PTPN4: variants seen among roughly 807,000 people sequenced by gnomAD.
The protein encoded by PTPN4 is tyrosine-protein phosphatase non-receptor type 4.
PTPN4 carries 49 observed loss-of-function variants against 135.5 expected under a neutral mutation model. The ratio of observed to expected loss-of-function variants is 0.36; its 90% CI spans 0.29 to 0.46. The LOEUF (loss-of-function observed/expected upper bound fraction) is 0.46. Among genes scored for constraint, PTPN4 ranks in the 20% least tolerant of loss-of-function variants. The pLI is 1.00. For missense variants in PTPN4, 860 were observed against 1,101.0 expected (o/e 0.78, Z 3.10); for synonymous variants, 333 against 369.9 (o/e 0.90, Z 1.14).
At chr2:119,763,240 A>G (rs1690542410) in intron 1 of PTPN4, among the ~76,000 whole-genome samples, 1 of 152,190 alleles carries the variant, frequency 6.6e-6, no homozygotes, top group Non-Finnish European at 1.5e-5. Flanking sequence ...TTTGGAAGAG[A>G]GATGCAAGTA....
chr2:119,798,545 G>A (rs1044908687), intron 1 of PTPN4, among the ~76,000 whole-genome samples: 1 of 152,162 alleles, frequency 6.6e-6, no homozygotes, highest in African/African-American at 2.4e-5. Flanking sequence ...TTTAAAACAT[G>A]AAGATTTAGC....
chr2:119,913,359 T>C (rs1452695502), intron 10 of PTPN4, among the ~76,000 whole-genome samples: 1 of 152,224 alleles, frequency 6.6e-6, no homozygotes, highest in Non-Finnish European at 1.5e-5. Flanking sequence ...ATTTTTATTA[T>C]AACCATTCTA....
intron 9 of PTPN4, among the ~76,000 whole-genome samples, chr2:119,889,915 A>G (rs1678216393): frequency 6.6e-6 from 1 of 152,102 alleles, no homozygotes; most frequent in Admixed American, 6.5e-5. Context: ...TAATTTGTTG[A>G]GACTTGTTTT....
chr2:119,805,995 G>A (rs1487176301), intron 1 of PTPN4, among the ~76,000 whole-genome samples: 2 of 152,074 alleles, frequency 1.3e-5, no homozygotes, highest in African/African-American at 4.8e-5. Context: ...ATAAGTGAAG[G>A]AGAAATAAAA....
intron 2 of PTPN4, among the ~76,000 whole-genome samples, chr2:119,830,068 GCAGT>G (rs1487211320): frequency 6.6e-6 from 1 of 151,918 alleles, no homozygotes; most frequent in African/African-American, 2.4e-5. Flanking sequence ...TTTTGAGACT[GCAGT>G]CATTTACTGC....
intron 1 of PTPN4, among the ~76,000 whole-genome samples, chr2:119,796,491 T>C (rs1053964324): frequency 1.3e-5 from 2 of 152,194 alleles, no homozygotes; most frequent in African/African-American, 2.4e-5. Context: ...TTGTTTCTCA[T>C]TGTAATTATT....
chr2:119,946,459 AT>A (rs1365894020), intron 17 of PTPN4, 35 bp downstream of exon 17: 1 of 1,590,688 alleles, frequency 6.3e-7, no homozygotes, highest in South Asian at 1.1e-5. Context: ...CAGTTTTTAA[AT>A]TAAGATGTTC....
intron 2 of PTPN4, among the ~76,000 whole-genome samples, chr2:119,855,959 C>T (rs933173665): frequency 9.2e-5 from 14 of 152,174 alleles, no homozygotes; most frequent in African/African-American, 4.8e-5. Flanking sequence ...CACCCGCCAC[C>T]GCACCCAGCT....
intron 1 of PTPN4, among the ~76,000 whole-genome samples, chr2:119,775,879 G>T (rs996273264): frequency 3.9e-5 from 6 of 151,910 alleles, no homozygotes; most frequent in Admixed American, 3.9e-4. Flanking sequence ...GAGGATGAAG[G>T]GTTTCAGGTA....
rs1221689715 is a variant in PTPN4, at chr2:119,960,933, A to G, written c.2260A>G (p.Thr754Ala). The change falls in exon 23 of 27, where the codon ACA (threonine) becomes GCA (alanine). Residue 754 changes from threonine to alanine, a missense_variant. By Grantham distance (58) the Thr-to-Ala change is moderately conservative. Transcript: ENST00000263708. Reference protein sequence around the residue: ...QGSSMVVMLTTQVERGRVKCH... With the variant: ...QGSSMVVMLTAQVERGRVKCH... ...CTCCTCTATGGTTGTAATGTTGACCACACAAGTTGAACGTGGCAGAGTAAG... is the reference window on the plus strand; with the variant it reads ...CTCCTCTATGGTTGTAATGTTGACCGCACAAGTTGAACGTGGCAGAGTAAG... 2 of 1,612,206 alleles carry G rather than the reference A, an allele frequency of 1.2e-6. No homozygotes were observed. The highest frequency in any genetic ancestry group is 1.1e-5 in the South Asian group (1 of 90,370).
chr2:119,962,700 A>G lies in PTPN4; in HGVS notation c.2365A>G (p.Asn789Asp). 1 of 1,590,926 alleles carries G rather than the reference A, an allele frequency of 6.3e-7. No individual in the cohort carries two copies. Reference protein sequence around the residue: ...YQVTCHSEEGNTAYIFRKMTL... With the variant: ...YQVTCHSEEGDTAYIFRKMTL... Reference sequence around the variant, plus strand: ...AGTTACCTGCCACTCTGAAGAAGGAAACACTGCCTATATCTTCAGGAAGAT... The same window carrying G: ...AGTTACCTGCCACTCTGAAGAAGGAGACACTGCCTATATCTTCAGGAAGAT... The change falls in exon 24 of 27, where the codon AAC becomes GAC. Residue 789 changes from asparagine (N) to aspartate (D), a missense_variant. By Grantham distance (23) the Asn-to-Asp change is conservative (BLOSUM62 1). Around this residue, in one of 2 missense-constraint regions of PTPN4, gnomAD observed 176 missense variants for 294.1 expected, o/e 0.60. Coordinates refer to ENST00000263708, the MANE Select transcript of PTPN4 (RefSeq NM_002830.4).
rs11123536 is a variant in PTPN4 at position 119,843,445 on chromosome 2, G to A, written c.139-19091G>A. Among the ~76,000 whole-genome samples the A allele has an allele frequency of 5.9e-5, 8 of 136,236 alleles. No individual in the cohort carries two copies. In the East Asian group the frequency reaches 1.7e-3, roughly 29 times the overall value. 89.4% of individuals were successfully genotyped at this position (136,236 alleles called of 152,430 possible). ...TCTCAATCTTTTCCCCACCTTTCCCGCCTTTCTATTCCACAAAGCCGCCAT... is the reference window on the plus strand; with the variant it reads ...TCTCAATCTTTTCCCCACCTTTCCCACCTTTCTATTCCACAAAGCCGCCAT... On this transcript the variant is annotated intron_variant, in intron 2 of 26. Coordinates refer to ENST00000263708, the MANE Select transcript of PTPN4 (RefSeq NM_002830.4).
At chr2:119,819,771 T>C (rs1447479470) in intron 2 of PTPN4, among the ~76,000 whole-genome samples, 1 of 152,284 alleles carries the variant, frequency 6.6e-6, no homozygotes, top group Non-Finnish European at 1.5e-5. Context: ...TTTACATATC[T>C]AGCATCTTAA....
chr2:119,874,710 G>A (rs893661283), intron 3 of PTPN4, among the ~76,000 whole-genome samples: 11 of 152,164 alleles, frequency 7.2e-5, no homozygotes, highest in African/African-American at 2.2e-4. Context: ...GTTGCACACC[G>A]TAGGGAATAT....
chr2:119,819,862 T>C (rs1421857129), intron 2 of PTPN4, among the ~76,000 whole-genome samples: 2 of 152,226 alleles, frequency 1.3e-5, no homozygotes, highest in East Asian at 3.8e-4. Context: ...TGGCTGTTGT[T>C]TTTTTTGTTT....
At chr2:119,944,403 A>T (rs1325360082) in intron 15 of PTPN4, among the ~76,000 whole-genome samples, 9 of 152,184 alleles carry the variant, frequency 5.9e-5, no homozygotes, top group Admixed American at 1.3e-4. Flanking sequence ...TATACATTTT[A>T]TGCTTGTTAA....
At chr2:119,799,504 A>G (rs904760419) in intron 1 of PTPN4, among the ~76,000 whole-genome samples, 1 of 152,208 alleles carries the variant, frequency 6.6e-6, no homozygotes, top group Non-Finnish European at 1.5e-5. Flanking sequence ...AGACATGGTA[A>G]TTTGGTTATT....
chr2:119,795,840 C>T (rs1691247180), intron 1 of PTPN4, among the ~76,000 whole-genome samples: 1 of 152,258 alleles, frequency 6.6e-6, no homozygotes, highest in Non-Finnish European at 1.5e-5. Flanking sequence ...TGCCTAACAT[C>T]ACTGCTCCCT....
At chr2:119,944,852 G>A (rs1028638477) in intron 15 of PTPN4, among the ~76,000 whole-genome samples, 3 of 151,898 alleles carry the variant, frequency 2.0e-5, no homozygotes, top group African/African-American at 7.3e-5. Context: ...TATCTTCACA[G>A]GAATACCTTG....
Sources: allele counts gnomAD v4.1 joint callset (sites outside exome capture counted in the v4.1 genomes callset), GRCh38; gene constraint gnomAD v4.1.1; regional missense constraint gnomAD v4.1.1; transcripts MANE v1.5; gene names NCBI Gene and HGNC (gene_info 2026-07-23, HGNC 2026-07-21).